Variants in PRKN observed in about 807,000 individuals in gnomAD.
The protein encoded by PRKN is E3 ubiquitin-protein ligase parkin.
Under a neutral mutation model 59.5 loss-of-function variants are expected in PRKN, and 56 were observed. That is an observed-to-expected ratio of 0.94 (90% CI 0.76 to 1.18). PRKN has a LOEUF of 1.18. Ranked by LOEUF, PRKN falls within the 50% of genes most tolerant of loss-of-function variation. The pLI is 0.00. For missense variants in PRKN, 657 were observed against 596.4 expected (o/e 1.10, Z -1.06); for synonymous variants, 250 against 222.1 (o/e 1.13, Z -1.12).
chr6:161,531,684 C>G (rs1245194642), intron 9 of PRKN, among the ~76,000 whole-genome samples: 6 of 152,148 alleles, frequency 3.9e-5, no homozygotes, highest in East Asian at 1.9e-4. Flanking sequence ...GGAGCACTGT[C>G]CCTGCTGCTC....
chr6:162,255,025 G>A (rs543404411), intron 3 of PRKN, among the ~76,000 whole-genome samples: 45 of 151,804 alleles, frequency 3.0e-4, no homozygotes, highest in African/African-American at 1.1e-3. Context: ...AGCTCCAAAT[G>A]TGTGGTGGAG....
At position 162,081,811 on chromosome 6, in the gene PRKN, G is replaced by A. The variant is rs187809365; in HGVS notation, c.535-27637C>T. ...TAGATAGCATCTTGTTCCAATAGAC[G>A]GCTGTGTCATCTACACTGAAAATCT... On this transcript the variant is annotated intron_variant, in intron 4 of 11. Coordinates refer to ENST00000366898, the MANE Select transcript of PRKN (RefSeq NM_004562.3). Among the ~76,000 whole-genome samples, 5 of 152,038 alleles carry A rather than the reference G, an allele frequency of 3.3e-5. No homozygotes were observed. In the East Asian group the frequency reaches 7.8e-4, roughly 24 times the overall value.
rs745912659 is a variant in PRKN, at chr6:161,360,141, A to T, written c.1232T>A (p.Ile411Asn). Residue 411 changes from isoleucine to asparagine, a missense_variant, in exon 11 of 12, where the codon ATC (isoleucine) becomes AAC (asparagine). Coordinates refer to ENST00000366898, the MANE Select transcript of PRKN (RefSeq NM_004562.3). This position sits in a 1 kb window ranked among gnomAD's most constrained non-coding sequence, Gnocchi z 5.1. ...GGGACAGGGCTTGGTGGTTTTCTTGATGGTTTCTTTGGAGGCTGCTTCCCA... is the reference window on the plus strand; with the variant it reads ...GGGACAGGGCTTGGTGGTTTTCTTGTTGGTTTCTTTGGAGGCTGCTTCCCA... ...ARWEAASKETIKKTTKPCPRC... is the reference protein window; with the variant it reads ...ARWEAASKETNKKTTKPCPRC... The T allele has an allele frequency of 3.1e-6, 5 of 1,613,658 alleles. No individual in the cohort carries two copies. The Admixed American group carries it at 6.7e-5, about 22-fold the overall frequency.
intron 6 of PRKN, among the ~76,000 whole-genome samples, chr6:161,855,885 A>G (rs555804184): frequency 1.3e-5 from 2 of 152,360 alleles, no homozygotes; most frequent in Non-Finnish European, 2.9e-5. Context: ...CAGTTAAAAA[A>G]GCAGAATCAA....
intron 9 of PRKN, among the ~76,000 whole-genome samples, chr6:161,436,572 G>A (rs947497560): frequency 3.9e-5 from 6 of 151,908 alleles, no homozygotes; most frequent in Admixed American, 2.6e-4. Context: ...CTGCATTCAT[G>A]AACTGCTTGG....
chr6:162,322,420 T>G (rs1471633375), intron 2 of PRKN, among the ~76,000 whole-genome samples: 1 of 152,108 alleles, frequency 6.6e-6, no homozygotes, highest in Non-Finnish European at 1.5e-5. Flanking sequence ...AAGATGGTGA[T>G]AGAAACTGAC....
chr6:162,055,307 A>C (rs553404114), intron 4 of PRKN, among the ~76,000 whole-genome samples: 2 of 152,312 alleles, frequency 1.3e-5, no homozygotes, highest in East Asian at 3.9e-4. Flanking sequence ...CAAAAATCAA[A>C]ATAGAATGTT....
At position 162,201,207 on chromosome 6, in the gene PRKN, G is replaced by C. The variant is rs55654276; in HGVS notation, c.458C>G (p.Pro153Arg). The change falls in exon 4 of 12, where the codon CCC (proline) becomes CGC (arginine). Residue 153 changes from proline (P) to arginine (R), a missense_variant. Coordinates refer to ENST00000366898, the MANE Select transcript of PRKN (RefSeq NM_004562.3). ...TTTTCCCGGCTGCACTCTTTGACAG[G>C]GGCCTTTGCAATACACATAAAAGCT... Reference protein sequence around the residue: ...YNSFYVYCKGPCQRVQPGKLR... With the variant: ...YNSFYVYCKGRCQRVQPGKLR... The C allele has an allele frequency of 9.2e-4, 1,486 of 1,613,942 alleles. 5 individuals carry two copies. The African/African-American group carries it at 0.017, about 19-fold the overall frequency.
intron 6 of PRKN, among the ~76,000 whole-genome samples, chr6:161,934,204 T>C (rs1006516268): frequency 6.6e-6 from 1 of 152,196 alleles, no homozygotes; most frequent in East Asian, 1.9e-4. Context: ...CTCTCTCCTG[T>C]CGCTTTGTGA....
chr6:161,864,859 T>G (rs368996265), intron 6 of PRKN, among the ~76,000 whole-genome samples: 132 of 152,252 alleles, frequency 8.7e-4, no homozygotes, highest in African/African-American at 3.0e-3. Flanking sequence ...TTTCACTATG[T>G]TGGCCAGAGT....
intron 5 of PRKN, among the ~76,000 whole-genome samples, chr6:162,015,735 C>A (rs1582898685): frequency 6.6e-6 from 1 of 152,242 alleles, no homozygotes; most frequent in Admixed American, 6.5e-5. Context: ...ACAGGAAAGT[C>A]CTTCAGTGAG....
intron 6 of PRKN, among the ~76,000 whole-genome samples, chr6:161,910,558 A>G (rs1778321938): frequency 1.3e-5 from 2 of 152,110 alleles, no homozygotes; most frequent in Non-Finnish European, 2.9e-5. Flanking sequence ...CCCGGCTGAA[A>G]GAATCTGAAT....
At chr6:161,917,488 A>C (rs1415042667) in intron 6 of PRKN, among the ~76,000 whole-genome samples, 1 of 152,150 alleles carries the variant, frequency 6.6e-6, no homozygotes. Flanking sequence ...TTTAAAAGCA[A>C]TTTTGGCATT....
intron 1 of PRKN, among the ~76,000 whole-genome samples, chr6:162,681,637 G>A (rs1779772512): frequency 6.6e-6 from 1 of 152,126 alleles, no homozygotes; most frequent in South Asian, 2.1e-4. Flanking sequence ...TTGCATAGAA[G>A]TGCAACTTTG....
rs1788542423 is a variant in PRKN at position 161,429,365 on chromosome 6, T to C, written c.1084-42488A>G. Among the ~76,000 whole-genome samples, 1 of 152,102 alleles carries C rather than the reference T, an allele frequency of 6.6e-6. No individual in the cohort carries two copies. Among genetic ancestry groups the C allele is most frequent in the Non-Finnish European group, 1.5e-5 (1 of 68,006 alleles). ...AGTCATGGGCAAGTAAACAGGTCAT[T>C]ATAACACAGCAGTGCCCTAAGTGCT... On this transcript the variant is annotated intron_variant, in intron 9 of 11. Transcript: ENST00000366898. The surrounding 1 kb of genome is among the most constrained non-coding windows in gnomAD (Gnocchi z 4.2).
At chr6:161,832,197 G>T (rs1792527836) in intron 6 of PRKN, among the ~76,000 whole-genome samples, 1 of 152,216 alleles carries the variant, frequency 6.6e-6, no homozygotes, top group Non-Finnish European at 1.5e-5. Flanking sequence ...TATTAGGGAT[G>T]CCTGATGTTT....
In PRKN at chr6:161,776,150, A is replaced by AT. The variant is rs561991054; in HGVS notation, c.871+9621dup. 1.6e-4 allele frequency among the ~76,000 whole-genome samples: 25 copies of AT among 152,340 alleles called. No individual in the cohort carries two copies. The East Asian group carries it at 4.1e-3, about 25-fold the overall frequency. On this transcript the variant is annotated intron_variant, in intron 7 of 11. Coordinates refer to ENST00000366898, the MANE Select transcript of PRKN (RefSeq NM_004562.3). ...AGGACAAGAAGTAAGTGCATTTTGC[A>AT]TAGTAGCCATCATTCTACAGTAGCA... is the stretch of plus-strand genomic sequence containing the variant.
intron 2 of PRKN, among the ~76,000 whole-genome samples, chr6:162,277,194 G>A (rs1401680746): frequency 2.0e-5 from 3 of 152,148 alleles, no homozygotes; most frequent in East Asian, 3.9e-4. Flanking sequence ...TGGGAATCGG[G>A]ATTTTGGCAG....
intron 7 of PRKN, among the ~76,000 whole-genome samples, chr6:161,742,662 T>A (rs74746052): frequency 1.3e-5 from 2 of 152,202 alleles, no homozygotes; most frequent in African/African-American, 4.8e-5. Context: ...GCTCATCCCC[T>A]TCACTTTTTT....
Sources: gnomAD v4.1 joint callset for allele counts (sites outside exome capture counted in the v4.1 genomes callset) on GRCh38, gnomAD v4.1.1 for gene constraint, Gnocchi (gnomAD v3.1) non-coding constraint, MANE v1.5 for transcripts, NCBI Gene and HGNC (gene_info 2026-07-23, HGNC 2026-07-21) for gene names.